The following DPP10 variants were observed in gnomAD, a reference collection of about 807,000 sequenced individuals.
DPP10 encodes dipeptidyl peptidase like 10.
DPP10 carries 33 observed loss-of-function variants against 120.9 expected under a neutral mutation model. That is an observed-to-expected ratio of 0.27 (90% CI 0.21 to 0.37). The LOEUF (loss-of-function observed/expected upper bound fraction) is 0.37. Among genes scored for constraint, DPP10 ranks in the 10% least tolerant of loss-of-function variants. DPP10 has a pLI of 1.00. For synonymous variants in DPP10, 337 were observed against 326.1 expected, an observed-to-expected ratio of 1.03 and a Z score of -0.36; for missense variants, 816 against 942.8, an observed-to-expected ratio of 0.87 and a Z score of 1.76.
In DPP10 at chr2:114,930,713, A is replaced by C. The variant is rs13411772; in HGVS notation, c.61-378526A>C. ...TTATAGTTTTGTAGGCTGTACAAGA[A>C]GCATGGCAGTGGAATCTGCTTCTGA... On this transcript the variant is annotated intron_variant, in intron 1 of 25. Coordinates refer to ENST00000410059, the MANE Select transcript of DPP10 (RefSeq NM_020868.6). 7.4e-3 allele frequency among the ~76,000 whole-genome samples: 1,122 copies of C among 152,346 alleles called. 16 individuals are homozygous for C. The highest frequency in any genetic ancestry group is 0.025 in the African/African-American group (1,053 of 41,576).
chr2:115,392,085 C>T (rs1164435183), intron 3 of DPP10, among the ~76,000 whole-genome samples: 2 of 152,104 alleles, frequency 1.3e-5, no homozygotes, highest in African/African-American at 2.4e-5. Context: ...TCATTAAGGT[C>T]CCTTTTAGGC....
intron 1 of DPP10, among the ~76,000 whole-genome samples, chr2:115,202,861 T>G (rs572974212): frequency 6.6e-6 from 1 of 152,310 alleles, no homozygotes; most frequent in Non-Finnish European, 1.5e-5. Context: ...AGAAATATTG[T>G]TTTCATCAAG....
At chr2:115,361,760 G>C (rs2106354574) in intron 3 of DPP10, among the ~76,000 whole-genome samples, 2 of 152,068 alleles carry the variant, frequency 1.3e-5, no homozygotes, top group East Asian at 3.9e-4. Context: ...ACTTTGTGCA[G>C]CTTCCTCCCT....
intron 21 of DPP10, among the ~76,000 whole-genome samples, chr2:115,832,734 A>G (rs1051868944): frequency 2.0e-5 from 3 of 152,156 alleles, no homozygotes; most frequent in Non-Finnish European, 4.4e-5. Flanking sequence ...GAAGAATCAC[A>G]TGGGGAGATC....
intron 1 of DPP10, among the ~76,000 whole-genome samples, chr2:114,703,338 G>C (rs1219793124): frequency 6.6e-6 from 1 of 152,128 alleles, no homozygotes; most frequent in African/African-American, 2.4e-5. Context: ...CCAGAAAATT[G>C]TAAATAGGCT....
intron 21 of DPP10, among the ~76,000 whole-genome samples, chr2:115,815,995 CATTAT>C (rs1410245110): frequency 2.6e-5 from 4 of 151,688 alleles, no homozygotes; most frequent in South Asian, 4.2e-4. Flanking sequence ...TTACATGCTT[CATTAT>C]ATTATAATTC....
At chr2:114,719,203 G>T (rs569453696) in intron 1 of DPP10, among the ~76,000 whole-genome samples, 1 of 152,238 alleles carries the variant, frequency 6.6e-6, no homozygotes, top group South Asian at 2.1e-4. Flanking sequence ...TACACCTGTG[G>T]CTGGTTGAGG....
intron 1 of DPP10, among the ~76,000 whole-genome samples, chr2:114,847,748 T>C (rs1266314660): frequency 6.6e-6 from 1 of 152,234 alleles, no homozygotes; most frequent in African/African-American, 2.4e-5. Flanking sequence ...TCTTATATTT[T>C]ATTTCAATAA....
intron 8 of DPP10, among the ~76,000 whole-genome samples, chr2:115,731,988 G>T (rs1162254477): frequency 6.6e-6 from 1 of 152,150 alleles, no homozygotes; most frequent in Non-Finnish European, 1.5e-5. Context: ...TGTGCCAGGA[G>T]CTCCCAAGCT....
At chr2:115,583,545 C>A (rs1249620609) in intron 5 of DPP10, among the ~76,000 whole-genome samples, 1 of 152,044 alleles carries the variant, frequency 6.6e-6, no homozygotes, top group African/African-American at 2.4e-5. Flanking sequence ...ACACATGTGG[C>A]CTTTGTGATA....
chr2:115,716,299 T>C (rs996915557), intron 7 of DPP10, among the ~76,000 whole-genome samples: 16 of 152,234 alleles, frequency 1.1e-4, no homozygotes, highest in African/African-American at 3.6e-4. Flanking sequence ...CATTACTCTG[T>C]TGAATACTTT....
intron 3 of DPP10, among the ~76,000 whole-genome samples, chr2:115,376,835 AATG>A (rs2065840689): frequency 6.7e-6 from 1 of 150,340 alleles, no homozygotes; most frequent in Non-Finnish European, 1.5e-5. Context: ...GTTTACTGAG[AATG>A]ATGATTTCCA....
At chr2:115,757,260 C>T (rs549836730) in intron 11 of DPP10, among the ~76,000 whole-genome samples, 1 of 152,034 alleles carries the variant, frequency 6.6e-6, no homozygotes, top group South Asian at 2.1e-4. Context: ...AGACTGATCT[C>T]TCTCATTAAC....
At chr2:114,945,082 A>G (rs1369413384) in intron 1 of DPP10, among the ~76,000 whole-genome samples, 1 of 152,226 alleles carries the variant, frequency 6.6e-6, no homozygotes, top group Admixed American at 6.5e-5. Flanking sequence ...CTAGACACCA[A>G]TTCAAAATAA....
At chr2:114,650,761 TCTC>T (rs1435336893) in intron 1 of DPP10, among the ~76,000 whole-genome samples, 2 of 152,134 alleles carry the variant, frequency 1.3e-5, no homozygotes, top group African/African-American at 2.4e-5. Flanking sequence ...AAAATCACCT[TCTC>T]ATCATCCTAG....
At chr2:115,661,949 G>T (rs1232299513) in intron 5 of DPP10, among the ~76,000 whole-genome samples, 2 of 152,102 alleles carry the variant, frequency 1.3e-5, no homozygotes, top group African/African-American at 4.8e-5. Context: ...ATAGTGTTGT[G>T]CATTAGGTCT....
chr2:115,283,831 A>G (rs1019343946), intron 1 of DPP10, among the ~76,000 whole-genome samples: 4 of 152,018 alleles, frequency 2.6e-5, no homozygotes, highest in Non-Finnish European at 5.9e-5. Flanking sequence ...ACATTTAGGT[A>G]CAAAAGTACT....
At chr2:114,503,524 A>G (rs1683380384) in intron 1 of DPP10, among the ~76,000 whole-genome samples, 1 of 152,234 alleles carries the variant, frequency 6.6e-6, no homozygotes, top group Admixed American at 6.5e-5. Flanking sequence ...AGTGAAAGTC[A>G]GTCAATAGAA....
At chr2:114,494,115 A>AAC (rs1573483809) in intron 1 of DPP10, among the ~76,000 whole-genome samples, 13 of 142,546 alleles carry the variant, frequency 9.1e-5, no homozygotes, top group Non-Finnish European at 1.4e-4. Context: ...AAAAAAAAAA[A>AAC]AAAAAACCCA....
Sources: allele counts gnomAD v4.1 joint callset (sites outside exome capture counted in the v4.1 genomes callset), GRCh38; gene constraint gnomAD v4.1.1; transcripts MANE v1.5; gene names NCBI Gene and HGNC (gene_info 2026-07-23, HGNC 2026-07-21).